Variants in SDK2 observed in about 807,000 individuals in gnomAD.
The protein encoded by SDK2 is protein sidekick-2.
SDK2 carries 105 observed loss-of-function variants against 253.9 expected under a neutral mutation model. The observed-to-expected ratio is 0.41, with a 90% CI of 0.35 to 0.49. SDK2 has a LOEUF of 0.49. SDK2 is among the 20% of genes least tolerant of loss of function. The pLI is 0.06. For missense variants in SDK2, 2,608 were observed against 3,003.0 expected, an observed-to-expected ratio of 0.87 and a Z score of 3.07; for synonymous variants, 1,249 against 1,234.9, an observed-to-expected ratio of 1.01 and a Z score of -0.24.
rs1385726404 is a variant in SDK2, at chr17:73,443,639, G to C, written c.614-2716C>G. On this transcript the variant is annotated intron_variant, in intron 5 of 44. Transcript: ENST00000392650. This position sits in a 1 kb window ranked among gnomAD's most constrained non-coding sequence, Gnocchi z 4.6. The stretch of plus-strand genomic sequence containing the variant: ...GGAGGAGAGATGGCCATGTGCTCAG[G>C]CCCAGGTGGCAGCCTGCAGGGCTCG... Among the ~76,000 whole-genome samples, 1 of 152,200 alleles carries C rather than the reference G, an allele frequency of 6.6e-6. No homozygotes were observed. The highest frequency in any genetic ancestry group is 2.4e-5 in the African/African-American group (1 of 41,450).
intron 29 of SDK2, 126 bp downstream of exon 29, chr17:73,390,161 G>A: frequency 1.2e-6 from 1 of 821,526 alleles, no homozygotes; most frequent in Admixed American, 2.9e-5. Flanking sequence ...AGAGATTGGA[G>A]CCCACCTTCC....
At chr17:73,480,291 G>C (rs147380022) in intron 2 of SDK2, among the ~76,000 whole-genome samples, 2 of 152,300 alleles carry the variant, frequency 1.3e-5, no homozygotes, top group African/African-American at 4.8e-5. Flanking sequence ...CATTCCTAGG[G>C]TAAGAAGAGG....
At position 73,352,631 on chromosome 17, in the gene SDK2, C is replaced by T. The variant is rs780638775; in HGVS notation, c.5600G>A (p.Gly1867Glu). 2 of 1,613,866 alleles carry T rather than the reference C, an allele frequency of 1.2e-6. No individual in the cohort carries two copies. The highest frequency in any genetic ancestry group is 3.3e-5 in the Admixed American group (2 of 60,020). ...GTCTTTGATGAGGATGTCCCATAGT[C>T]CCTCGTCTGCAGGAGCACAGAGATG... The part of the protein sequence containing the change: ...YVIEARPSDE[G>E]LWDILIKDIP... The change falls in exon 41 of 45, where the codon GGA (glycine) becomes GAA (glutamate). Residue 1867 changes from glycine (G) to glutamate (E), a missense_variant. Gly to Glu is a moderately conservative substitution (Grantham distance 98). Around this residue, in one of 2 missense-constraint regions of SDK2, gnomAD observed 1,103 missense variants for 1,143.9 expected, o/e 0.96. Coordinates refer to ENST00000392650, the MANE Select transcript of SDK2 (RefSeq NM_001144952.2). This position sits in a 1 kb window ranked among gnomAD's most constrained non-coding sequence, Gnocchi z 4.1.
At chr17:73,589,811 AGCCACT>A in intron 1 of SDK2, among the ~76,000 whole-genome samples, 1 of 152,354 alleles carries the variant, frequency 6.6e-6, no homozygotes, top group East Asian at 1.9e-4. Context: ...AGCCCCGCAG[AGCCACT>A]GCGGATTAGC....
intron 20 of SDK2, among the ~76,000 whole-genome samples, 153 bp downstream of exon 20, chr17:73,401,501 A>G (rs1395945595): frequency 6.6e-6 from 1 of 152,062 alleles, no homozygotes; most frequent in Non-Finnish European, 1.5e-5. Flanking sequence ...TATGAAGTGG[A>G]GGTGCCAAGA....
intron 1 of SDK2, among the ~76,000 whole-genome samples, chr17:73,637,888 G>T (rs1176840760): frequency 6.6e-6 from 1 of 152,260 alleles, no homozygotes; most frequent in Non-Finnish European, 1.5e-5. Flanking sequence ...CAGATGCCAG[G>T]CCTGCTAAGA....
chr17:73,439,783 A>G (rs1010217076), intron 6 of SDK2, among the ~76,000 whole-genome samples: 2 of 152,298 alleles, frequency 1.3e-5, no homozygotes, highest in Non-Finnish European at 2.9e-5. Context: ...TGAGGCCCAG[A>G]GGGCGGCAGT....
intron 2 of SDK2, among the ~76,000 whole-genome samples, chr17:73,483,497 GTGTGTGTGTGTGTA>G (rs1392105645): frequency 9.3e-6 from 1 of 107,968 alleles, no homozygotes; most frequent in South Asian, 3.0e-4. Context: ...GTGTGTGTGT[GTGTGTGTGTGTGTA>G]TGTGTGTGTG....
intron 1 of SDK2, among the ~76,000 whole-genome samples, chr17:73,562,865 A>G (rs2045257950): frequency 1.3e-5 from 2 of 152,252 alleles, no homozygotes; most frequent in Admixed American, 6.5e-5. Flanking sequence ...CGCACGAGGC[A>G]GGTTATACCT....
rs1239602615 is a variant in SDK2 at position 73,361,199 on chromosome 17, C to G, written c.5467+485G>C. Among the ~76,000 whole-genome samples the G allele has an allele frequency of 1.3e-5, 2 of 152,128 alleles. No individual in the cohort carries two copies. Among genetic ancestry groups the G allele is most frequent in the Non-Finnish European group, 2.9e-5 (2 of 68,024 alleles). ...AGGTCCCACCTCAGCCCCAGGAAAT[C>G]AACCCCTCGGAGCATCCACCCTGGG... On this transcript the variant is annotated intron_variant, in intron 39 of 44. Transcript: ENST00000392650. The surrounding 1 kb of genome is among the most constrained non-coding windows in gnomAD (Gnocchi z 4.1).
chr17:73,532,894 C>T (rs116344049), intron 1 of SDK2, among the ~76,000 whole-genome samples: 1,725 of 152,266 alleles, frequency 0.011, 46 homozygotes, highest in African/African-American at 0.039. Flanking sequence ...CAGGGCACAG[C>T]GCAGTTAACT....
At chr17:73,417,914 T>A (rs1355118194) in intron 16 of SDK2, among the ~76,000 whole-genome samples, 1 of 151,760 alleles carries the variant, frequency 6.6e-6, no homozygotes, top group African/African-American at 2.4e-5. Context: ...CATCTAATTA[T>A]TGGAAAATTA....
At chr17:73,548,200 A>G (rs1462132173) in intron 1 of SDK2, among the ~76,000 whole-genome samples, 1 of 152,238 alleles carries the variant, frequency 6.6e-6, no homozygotes, top group Non-Finnish European at 1.5e-5. Context: ...TTGAGAGGTT[A>G]AGTCACACGC....
intron 14 of SDK2, among the ~76,000 whole-genome samples, chr17:73,423,075 C>T (rs1021057997): frequency 1.3e-5 from 2 of 149,112 alleles, no homozygotes; most frequent in African/African-American, 5.1e-5. Context: ...GCGAATTATG[C>T]CTGCTCATTT....
intron 1 of SDK2, among the ~76,000 whole-genome samples, chr17:73,596,979 A>T (rs993091354): frequency 4.6e-5 from 7 of 152,118 alleles, no homozygotes; most frequent in Non-Finnish European, 8.8e-5. Context: ...TCTGGTCGGG[A>T]GTCCGGCGCC....
intron 3 of SDK2, among the ~76,000 whole-genome samples, chr17:73,458,377 C>T (rs1003834109): frequency 8.5e-5 from 13 of 152,180 alleles, no homozygotes; most frequent in African/African-American, 2.9e-4. Context: ...CCCAGGCATC[C>T]CCCAGGGCAC....
intron 36 of SDK2, among the ~76,000 whole-genome samples, chr17:73,373,788 C>T (rs1165190324): frequency 6.6e-6 from 1 of 152,114 alleles, no homozygotes; most frequent in Non-Finnish European, 1.5e-5. Flanking sequence ...AGGTGCCTGC[C>T]GCCATGGCCA....
intron 1 of SDK2, among the ~76,000 whole-genome samples, chr17:73,531,104 T>C (rs9905921): frequency 0.37 from 56,042 of 152,050 alleles, 10,925 homozygotes; most frequent in South Asian, 0.5. Flanking sequence ...CGATCTTCCT[T>C]GTTCCCACCC....
chr17:73,470,646 A>G (rs2063643124), intron 3 of SDK2, among the ~76,000 whole-genome samples: 1 of 152,142 alleles, frequency 6.6e-6, no homozygotes, highest in African/African-American at 2.4e-5. Context: ...TCCATCCTCC[A>G]CTTTTGATTA....
Sources: gnomAD v4.1 joint callset for allele counts (sites outside exome capture counted in the v4.1 genomes callset) on GRCh38, gnomAD v4.1.1 for gene constraint, gnomAD v4.1.1 regional missense constraint, Gnocchi (gnomAD v3.1) non-coding constraint, MANE v1.5 for transcripts, NCBI Gene and HGNC (gene_info 2026-07-23, HGNC 2026-07-21) for gene names.